DDX60: variants seen among roughly 807,000 people sequenced by gnomAD.
DDX60 encodes probable ATP-dependent RNA helicase DDX60.
A neutral mutation model predicts 212.8 loss-of-function variants in DDX60; 165 were observed. That is an observed-to-expected ratio of 0.78 (90% CI 0.68 to 0.88). DDX60 has a LOEUF of 0.88. Among genes scored for constraint, DDX60 ranks in the 40% least tolerant of loss-of-function variants. The pLI, the probability that DDX60 is intolerant of heterozygous loss-of-function variation, is 0.00. For missense variants in DDX60, 1,905 were observed against 2,003.9 expected, an observed-to-expected ratio of 0.95 and a Z score of 0.94; for synonymous variants, 703 against 685.3, an observed-to-expected ratio of 1.03 and a Z score of -0.40.
chr4:168,294,100 A>T (rs1318991300), intron 6 of DDX60, among the ~76,000 whole-genome samples, 155 bp from the exon 7 acceptor site: 1 of 152,198 alleles, frequency 6.6e-6, no homozygotes, highest in Non-Finnish European at 1.5e-5. Flanking sequence ...TCCATAAAAA[A>T]CCTACACATA....
intron 33 of DDX60, 33 bp downstream of exon 33, chr4:168,236,219 A>G (rs1388874810): frequency 6.3e-7 from 1 of 1,599,452 alleles, no homozygotes; most frequent in Admixed American, 1.7e-5. Context: ...GTGGTTTTAC[A>G]TTACTAAATT....
intron 5 of DDX60, among the ~76,000 whole-genome samples, chr4:168,304,299 C>A (rs1024622319): frequency 6.6e-6 from 1 of 152,216 alleles, no homozygotes; most frequent in South Asian, 2.1e-4. Context: ...ATGATCCTGA[C>A]CCTGTGTATG....
At chr4:168,273,144 A>G in intron 18 of DDX60, 135 bp downstream of exon 18, 1 of 928,070 alleles carries the variant, frequency 1.1e-6, no homozygotes, top group South Asian at 1.9e-5. Flanking sequence ...CATTTTTTCT[A>G]AAAGTATTTT....
chr4:168,301,272 G>C (rs1736637256), intron 6 of DDX60, among the ~76,000 whole-genome samples: 1 of 152,090 alleles, frequency 6.6e-6, no homozygotes, highest in Admixed American at 6.6e-5. Flanking sequence ...TTGCTGAAAA[G>C]CCCTAGTAGC....
chr4:168,304,153 C>G (rs1261665561), intron 5 of DDX60, among the ~76,000 whole-genome samples: 1 of 152,096 alleles, frequency 6.6e-6, no homozygotes, highest in African/African-American at 2.4e-5. Context: ...AGCTGCCAAA[C>G]AGCCTCAGGA....
intron 30 of DDX60, among the ~76,000 whole-genome samples, chr4:168,246,152 G>A (rs991493070): frequency 6.6e-6 from 1 of 152,012 alleles, no homozygotes; most frequent in Non-Finnish European, 1.5e-5. Flanking sequence ...ACTATTATAG[G>A]ACACTGCATT....
At chr4:168,295,575 A>G (rs1031546650) in intron 6 of DDX60, among the ~76,000 whole-genome samples, 4 of 152,320 alleles carry the variant, frequency 2.6e-5, no homozygotes, top group Admixed American at 6.5e-5. Flanking sequence ...GCACCCCTGG[A>G]GTCTCTCTGA....
rs898571145 is a variant in DDX60 at position 168,300,578 on chromosome 4, G to A, written c.723+1722C>T. Among the ~76,000 whole-genome samples the A allele has an allele frequency of 5.5e-5, 8 of 146,194 alleles. No homozygotes were observed. In the East Asian group the frequency reaches 1.6e-3, roughly 29 times the overall value. Reference sequence around the variant, plus strand: ...GCTACGATCTATGTGTTTAACACCAGAATGTGTGTGTGTGTGTGTGTGTGT... The same window carrying A: ...GCTACGATCTATGTGTTTAACACCAAAATGTGTGTGTGTGTGTGTGTGTGT... On this transcript the variant is annotated intron_variant, in intron 6 of 37. Transcript: ENST00000393743.
rs1295603577 is a variant in DDX60, at chr4:168,318,617, C to G, written c.-107+5G>C. The G allele has an allele frequency of 6.6e-6, 1 of 152,380 alleles. No homozygotes were observed. Among genetic ancestry groups the G allele is most frequent in the Non-Finnish European group, 1.5e-5 (1 of 68,158 alleles). 9.4% of individuals were successfully genotyped at this position (152,380 alleles called of 1,614,324 possible). A position where few individuals can be genotyped will look rare whatever the true frequency, so the allele number is the denominator to read the frequency against. ...TCTTCCCAAGGGACATCCCCGGCTC[C>G]TCACCGCGGACTCAGGACCGGTGGT... On this transcript the variant is annotated splice_donor_5th_base_variant and intron_variant, in intron 1 of 37. Coordinates refer to ENST00000393743, the MANE Select transcript of DDX60 (RefSeq NM_017631.6).
At chr4:168,255,432 G>A (rs1429853006) in intron 26 of DDX60, among the ~76,000 whole-genome samples, 3 of 152,134 alleles carry the variant, frequency 2.0e-5, no homozygotes, top group Non-Finnish European at 4.4e-5. Flanking sequence ...TTATTGTGTA[G>A]GATGATTATG....
chr4:168,321,808 G>A (rs1280258881), upstream of DDX60, among the ~76,000 whole-genome samples: 1 of 152,014 alleles, frequency 6.6e-6, no homozygotes, highest in Non-Finnish European at 1.5e-5. Flanking sequence ...AAAACATAGT[G>A]TTCATTCCAC....
At position 168,248,338 on chromosome 4, in the gene DDX60, A is replaced by G. The variant is rs1734094019; in HGVS notation, c.3859-46T>C. 7 of 1,389,986 alleles carry G rather than the reference A, an allele frequency of 5.0e-6. No homozygotes were observed. The East Asian group carries it at 1.5e-4, about 29-fold the overall frequency. 86.1% of individuals were successfully genotyped at this position (1,389,986 alleles called of 1,614,324 possible). A position where few individuals can be genotyped will look rare whatever the true frequency, so the allele number is the denominator to read the frequency against. On this transcript the variant is annotated intron_variant, in intron 28 of 37. Transcript: ENST00000393743. Reference sequence around the variant, plus strand: ...TTACTTCATAAAATAGCATTTTAATAGAATGCAAGTATTTCCTGTCATAAA... The same window carrying G: ...TTACTTCATAAAATAGCATTTTAATGGAATGCAAGTATTTCCTGTCATAAA...
At chr4:168,303,414 C>T (rs1343899652) in intron 5 of DDX60, among the ~76,000 whole-genome samples, 2 of 151,934 alleles carry the variant, frequency 1.3e-5, no homozygotes, top group African/African-American at 4.8e-5. Context: ...AATAACAGTA[C>T]TTCCTTCCAA....
intron 1 of DDX60, among the ~76,000 whole-genome samples, chr4:168,315,002 C>T (rs1453735883): frequency 3.3e-5 from 5 of 152,090 alleles, no homozygotes; most frequent in African/African-American, 7.2e-5. Context: ...GAAGTCAGGC[C>T]ATATGAGAAC....
chr4:168,237,218 T>C, intron 32 of DDX60, 68 bp downstream of exon 32: 1 of 1,148,050 alleles, frequency 8.7e-7, no homozygotes, highest in Non-Finnish European at 1.1e-6. Flanking sequence ...TGAAGTGTTG[T>C]TTTTCTACAA....
In DDX60 at chr4:168,224,620, T is replaced by C. The variant is rs573804997; in HGVS notation, c.4682-235A>G. Among the ~76,000 whole-genome samples the C allele has an allele frequency of 7.9e-5, 12 of 152,110 alleles. 1 individual carries two copies. Among genetic ancestry groups the C allele is most frequent in the African/African-American group, 2.9e-4 (12 of 41,524 alleles). On this transcript the variant is annotated intron_variant, in intron 34 of 37. Coordinates refer to ENST00000393743, the MANE Select transcript of DDX60 (RefSeq NM_017631.6). Reference sequence around the variant, plus strand: ...CTATTATAAAAATGTGTATTATATTTTAGTTGCCTTAATCAATAAGAAATG... The same window carrying C: ...CTATTATAAAAATGTGTATTATATTCTAGTTGCCTTAATCAATAAGAAATG...
At chr4:168,250,331 C>G (rs568664390) in intron 28 of DDX60, among the ~76,000 whole-genome samples, 12 of 151,910 alleles carry the variant, frequency 7.9e-5, no homozygotes, top group Non-Finnish European at 1.8e-4. Flanking sequence ...CACCTAAGGT[C>G]AGGAGTTCGA....
intron 21 of DDX60, 54 bp downstream of exon 21, chr4:168,267,787 T>A (rs1435791064): frequency 6.5e-7 from 1 of 1,549,414 alleles, no homozygotes; most frequent in Non-Finnish European, 8.7e-7. Flanking sequence ...AATGGCAGAT[T>A]TTTTAAAAAT....
chr4:168,237,847 C>T (rs371938722), intron 30 of DDX60, 52 bp from the exon 31 acceptor site: 377 of 1,322,684 alleles, frequency 2.9e-4, no homozygotes, highest in Admixed American at 5.1e-4. Context: ...TTACGAAATA[C>T]GTTTGAAAAT....
Sources: allele counts gnomAD v4.1 joint callset (sites outside exome capture counted in the v4.1 genomes callset), GRCh38; gene constraint gnomAD v4.1.1; transcripts MANE v1.5; gene names NCBI Gene and HGNC (gene_info 2026-07-23, HGNC 2026-07-21).